PRAM1: variants seen among roughly 807,000 people sequenced by gnomAD.
The protein encoded by PRAM1 is PML-RARA regulated adaptor molecule 1.
In PRAM1, 41 loss-of-function variants were observed where a neutral mutation model predicts 55.3. The ratio of observed to expected loss-of-function variants is 0.74; its 90% CI spans 0.58 to 0.96. The LOEUF is 0.96. Among genes scored for constraint, PRAM1 ranks in the 40% least tolerant of loss-of-function variants. The pLI is 0.00. For missense variants in PRAM1, 898 were observed against 892.7 expected (o/e 1.01, Z -0.08); for synonymous variants, 401 against 387.1 (o/e 1.04, Z -0.42).
chr19:8,494,877 C>T (rs1217062553), intron 4 of PRAM1, among the ~76,000 whole-genome samples: 1 of 151,854 alleles, frequency 6.6e-6, no homozygotes, highest in African/African-American at 2.4e-5. Flanking sequence ...AGGCAATCCA[C>T]CCGCCTTGGC....
rs989632230 is a variant in PRAM1 at position 8,498,640 on chromosome 19, C to T, written c.1168G>A (p.Glu390Lys). The change falls in exon 2 of 10, where the codon GAG becomes AAG. Residue 390 changes from glutamate to lysine, a missense_variant. Physicochemically the swap from Glu to Lys is moderately conservative, Grantham distance 56. This residue lies in a region of PRAM1 where 787 missense variants were observed against 735.4 expected (regional missense o/e 1.07). Coordinates refer to ENST00000423345, the MANE Select transcript of PRAM1 (RefSeq NM_032152.5). ...GCCACGGCCGCAGGCAGTGAGCTCT[C>T]GGAAGCGGAGCTGGGGAGTGGAGGC... is the stretch of plus-strand genomic sequence containing the variant. Reference protein sequence around the residue: ...RKPPLPSSASESSLPAAVAGF... With the variant: ...RKPPLPSSASKSSLPAAVAGF... 2.5e-6 allele frequency: 4 copies of T among 1,611,968 alleles called. No individual in the cohort carries two copies. Among genetic ancestry groups the T allele is most frequent in the African/African-American group, 2.7e-5 (2 of 75,012 alleles).
In PRAM1 at chr19:8,499,118, C is replaced by T; in HGVS notation, c.690G>A (p.Gln230=). ...EFNVYPKKPP[Q]PQVGGLPKKS... ...TCTTAGGGAGGCCACCGACCTGAGG[C>T]TGCGGAGGCTTTTTGGGGTACACGT... Residue 230 remains glutamine (Q), a synonymous_variant, in exon 2 of 10, where the codon CAG becomes CAA. Coordinates refer to ENST00000423345, the MANE Select transcript of PRAM1 (RefSeq NM_032152.5). 1 of 1,613,782 alleles carries T rather than the reference C, an allele frequency of 6.2e-7. No individual in the cohort carries two copies. Among genetic ancestry groups the T allele is most frequent in the Admixed American group, 1.7e-5 (1 of 60,002 alleles).
At position 8,490,306 on chromosome 19, in the gene PRAM1, G is replaced by A. The variant is rs763671479; in HGVS notation, c.1975+32C>T. On this transcript the variant is annotated intron_variant, in intron 9 of 9. Coordinates refer to ENST00000423345, the MANE Select transcript of PRAM1 (RefSeq NM_032152.5). This position sits in a 1 kb window ranked among gnomAD's most constrained non-coding sequence, Gnocchi z 7.3. ...GCAGCGCCCCCGGGGAATCGCCAGG[G>A]TCCCTCCAGCCCTCCCAGAGTGTCC... 6 of 1,613,914 alleles carry A rather than the reference G, an allele frequency of 3.7e-6. No individual in the cohort carries two copies. The highest frequency in any genetic ancestry group is 1.7e-6 in the Non-Finnish European group (2 of 1,179,864).
intron 1 of PRAM1, 104 bp from the exon 2 acceptor site, chr19:8,499,884 C>T (rs1971781798): frequency 1.4e-5 from 14 of 978,486 alleles, no homozygotes; most frequent in Non-Finnish European, 1.9e-5. Flanking sequence ...ACCACCCCTG[C>T]GCCCAGGCCC....
At position 8,490,844 on chromosome 19, in the gene PRAM1, G is replaced by A; in HGVS notation, c.1743+43C>T. 2.5e-6 allele frequency: 4 copies of A among 1,609,968 alleles called. No homozygotes were observed. Among genetic ancestry groups the A allele is most frequent in the Non-Finnish European group, 3.4e-6 (4 of 1,179,370 alleles). On this transcript the variant is annotated intron_variant, in intron 6 of 9. Transcript: ENST00000423345. This position sits in a 1 kb window ranked among gnomAD's most constrained non-coding sequence, Gnocchi z 7.3. The stretch of plus-strand genomic sequence containing the variant: ...TGAGCCTGGGATCGGTGGGACCCTG[G>A]TCTCCGCCCTGCCAGGACTCCTGCT...
intron 1 of PRAM1, among the ~76,000 whole-genome samples, chr19:8,501,507 ATTTTTTTT>A (rs773534887): frequency 2.9e-5 from 3 of 102,848 alleles, no homozygotes; most frequent in African/African-American, 3.9e-5. Flanking sequence ...ATGTGTCTTG[ATTTTTTTT>A]TTTTTTTTTT....
Position 8,490,424 on chromosome 19 carries a change from C to A in PRAM1, c.1940+52G>T. ...GGGGCACCGTGGCCCATTCCCCCCACCCTGCACCACACACCCCGCACTCCC... is the reference window on the plus strand; with the variant it reads ...GGGGCACCGTGGCCCATTCCCCCCAACCTGCACCACACACCCCGCACTCCC... On this transcript the variant is annotated intron_variant, in intron 8 of 9. Transcript: ENST00000423345. This position sits in a 1 kb window ranked among gnomAD's most constrained non-coding sequence, Gnocchi z 7.3. The A allele has an allele frequency of 6.2e-7, 1 of 1,613,748 alleles. No homozygotes were observed. The highest frequency in any genetic ancestry group is 8.5e-7 in the Non-Finnish European group (1 of 1,179,818).
At position 8,498,508 on chromosome 19, in the gene PRAM1, T is replaced by C. The variant is rs776571799; in HGVS notation, c.1300A>G (p.Arg434Gly). 1 of 1,600,360 alleles carries C rather than the reference T, an allele frequency of 6.2e-7. No homozygotes were observed. Among genetic ancestry groups the C allele is most frequent in the East Asian group, 2.2e-5 (1 of 44,646 alleles). Residue 434 changes from arginine (R) to glycine (G), a missense_variant, in exon 2 of 10, where the codon AGA becomes GGA. By Grantham distance (125) the Arg-to-Gly change is moderately radical. Around this residue, in one of 4 missense-constraint regions of PRAM1, gnomAD observed 787 missense variants for 735.4 expected, o/e 1.07. Coordinates refer to ENST00000423345, the MANE Select transcript of PRAM1 (RefSeq NM_032152.5). ...CTCCGCCGGGGTGGATGGCTGGGTC[T>C]GAGGCCTGGCCTGGCCCCTCCACTG... ...VHSGGARPGLRPSHPPRRRPL... is the reference protein window; with the variant it reads ...VHSGGARPGLGPSHPPRRRPL...
At chr19:8,498,193 C>T (rs764124739) in intron 3 of PRAM1, 30 bp downstream of exon 3, 2 of 1,604,060 alleles carry the variant, frequency 1.2e-6, no homozygotes, top group South Asian at 2.2e-5. Flanking sequence ...CCACAATCCG[C>T]ACCCACCTCC....
In PRAM1 at chr19:8,490,735, G is replaced by T; in HGVS notation, c.1765C>A (p.His589Asn). 1 of 1,610,534 alleles carries T rather than the reference G, an allele frequency of 6.2e-7. No individual in the cohort carries two copies. The change falls in exon 7 of 10, where the codon CAC (histidine) becomes AAC (asparagine). Residue 589 changes from histidine to asparagine, a missense_variant. By Grantham distance (68) the His-to-Asn change is moderately conservative. Around this residue, in one of 4 missense-constraint regions of PRAM1, gnomAD observed 787 missense variants for 735.4 expected, o/e 1.07. Transcript: ENST00000423345. This position sits in a 1 kb window ranked among gnomAD's most constrained non-coding sequence, Gnocchi z 7.3. ...KFKFEGEIVVHTKMMIDPNAK... is the reference protein window; with the variant it reads ...KFKFEGEIVVNTKMMIDPNAK... ...TTGGGGTCGATCATCATCTTCGTGTGAACCACGATCTCCCCTTCAAACTGG... is the reference window on the plus strand; with the variant it reads ...TTGGGGTCGATCATCATCTTCGTGTTAACCACGATCTCCCCTTCAAACTGG...
intron 4 of PRAM1, among the ~76,000 whole-genome samples, chr19:8,497,369 G>T (rs982255353): frequency 6.6e-6 from 1 of 151,840 alleles, no homozygotes; most frequent in Non-Finnish European, 1.5e-5. Flanking sequence ...TAGAGATGAG[G>T]TCTCGCTCTG....
In PRAM1 at chr19:8,490,826, G is replaced by T; in HGVS notation, c.1743+61C>A. 1 of 1,608,186 alleles carries T rather than the reference G, an allele frequency of 6.2e-7. No individual in the cohort carries two copies. ...GGGCCCCTGTCTTCTTTCTGAGCCT[G>T]GGATCGGTGGGACCCTGGTCTCCGC... On this transcript the variant is annotated intron_variant, in intron 6 of 9. Coordinates refer to ENST00000423345, the MANE Select transcript of PRAM1 (RefSeq NM_032152.5). The surrounding 1 kb of genome is among the most constrained non-coding windows in gnomAD (Gnocchi z 7.3).
At chr19:8,494,625 T>C (rs1385226235) in intron 4 of PRAM1, among the ~76,000 whole-genome samples, 1 of 137,074 alleles carries the variant, frequency 7.3e-6, no homozygotes, top group African/African-American at 2.5e-5. Flanking sequence ...CTTGCGTACC[T>C]ATTTTTTTTT....
chr19:8,502,461 C>CCCCCCCCCA, intron 1 of PRAM1, 104 bp downstream of exon 1: 1 of 493,698 alleles, frequency 2.0e-6, no homozygotes, highest in Non-Finnish European at 3.6e-6. Flanking sequence ...GCAGCCACCC[C>CCCCCCCCCA]CCGCCCCCCC....
chr19:8,499,677 A>G lies in PRAM1; in HGVS notation c.131T>C (p.Leu44Pro). ...KKPPKPEFGKLKKFSQPELSE... is the reference protein window; with the variant it reads ...KKPPKPEFGKPKKFSQPELSE... ...TAGCTCAGGCTGGGAGAACTTCTTC[A>G]GTTTACCAAACTCAGGCTTCGGAGG... The change falls in exon 2 of 10, where the codon CTG becomes CCG. Residue 44 changes from leucine to proline, a missense_variant. Transcript: ENST00000423345. 1 of 1,613,814 alleles carries G rather than the reference A, an allele frequency of 6.2e-7. No individual in the cohort carries two copies. The highest frequency in any genetic ancestry group is 8.5e-7 in the Non-Finnish European group (1 of 1,179,832).
In PRAM1 at chr19:8,498,258, G is replaced by A; in HGVS notation, c.1464C>T (p.Leu488=). 1 of 1,612,838 alleles carries A rather than the reference G, an allele frequency of 6.2e-7. No homozygotes were observed. The change falls in exon 3 of 10, where the codon CTC becomes CTT. Residue 488 remains leucine (L), a synonymous_variant. Transcript: ENST00000423345. ...DLRRTRSAAG[L]HFQDRQPEDI... ...CTTCAGGCTGTCGGTCCTGGAAGTGGAGCCCAGCGGCCGAGCGGGTCCTCC... is the reference window on the plus strand; with the variant it reads ...CTTCAGGCTGTCGGTCCTGGAAGTGAAGCCCAGCGGCCGAGCGGGTCCTCC...
chr19:8,502,374 G>A (rs558249495), intron 1 of PRAM1, among the ~76,000 whole-genome samples, 191 bp downstream of exon 1: 4 of 152,236 alleles, frequency 2.6e-5, no homozygotes, highest in Non-Finnish European at 5.9e-5. Context: ...AGGAGCCCGC[G>A]CTGTCCTGGG....
In PRAM1 at chr19:8,501,495, T is replaced by C. The variant is rs77123454; in HGVS notation, c.27+1070A>G. On this transcript the variant is annotated intron_variant, in intron 1 of 9. Transcript: ENST00000423345. ...GTATTATACTATTTTACATTGTTTT[T>C]AATGTGTCTTGATTTTTTTTTTTTT... Among the ~76,000 whole-genome samples the C allele has an allele frequency of 4.4e-3, 660 of 148,670 alleles. 6 individuals are homozygous for C. Among genetic ancestry groups the C allele is most frequent in the Non-Finnish European group, 6.0e-3 (404 of 67,718 alleles).
At chr19:8,497,686 GCT>G (rs1971717380) in intron 4 of PRAM1, 76 bp downstream of exon 4, 1 of 1,226,218 alleles carries the variant, frequency 8.2e-7, no homozygotes, top group African/African-American at 1.5e-5. Context: ...AATGTTACTT[GCT>G]CTTACACCAG....
Sources: gnomAD v4.1 joint callset for allele counts (sites outside exome capture counted in the v4.1 genomes callset) on GRCh38, gnomAD v4.1.1 for gene constraint, gnomAD v4.1.1 regional missense constraint, Gnocchi (gnomAD v3.1) non-coding constraint, MANE v1.5 for transcripts, NCBI Gene and HGNC (gene_info 2026-07-23, HGNC 2026-07-21) for gene names.